ALMS1: variants seen among roughly 807,000 people sequenced by gnomAD.
ALMS1 encodes ALMS1 centrosome and basal body associated protein.
In ALMS1, 271 loss-of-function variants were observed where a neutral mutation model predicts 352.2. The ratio of observed to expected loss-of-function variants is 0.77; its 90% confidence interval spans 0.70 to 0.85. The LOEUF (loss-of-function observed/expected upper bound fraction) is 0.85, where lower values mean the gene tolerates loss of function less well. Ranked by LOEUF, ALMS1 falls within the 40% of genes least tolerant of loss-of-function variation. The pLI is 0.00. For synonymous variants in ALMS1, 1,865 were observed against 1,761.2 expected (o/e 1.06, Z -1.48); for missense variants, 5,445 against 4,870.7 (o/e 1.12, Z -3.51).
intron 7 of ALMS1, among the ~76,000 whole-genome samples, chr2:73,443,303 C>T (rs1381534932): frequency 6.6e-6 from 1 of 152,162 alleles, no homozygotes; most frequent in African/African-American, 2.4e-5. Flanking sequence ...GAACTACTCT[C>T]ATTTCTTCAT....
At chr2:73,478,643 T>C (rs1035989280) in intron 9 of ALMS1, among the ~76,000 whole-genome samples, 1 of 144,624 alleles carries the variant, frequency 6.9e-6, no homozygotes, top group Non-Finnish European at 1.5e-5. Context: ...TTTATTTATT[T>C]AGTAATTTAT....
chr2:73,436,670 C>T (rs1671609481), intron 7 of ALMS1, among the ~76,000 whole-genome samples: 1 of 152,078 alleles, frequency 6.6e-6, no homozygotes, highest in Admixed American at 6.6e-5. Context: ...TACTGTTGAG[C>T]CTCTAGTGAA....
intron 9 of ALMS1, chr2:73,470,399 A>T (rs1672443639): frequency 6.6e-6 from 1 of 151,684 alleles, no homozygotes; most frequent in African/African-American, 2.4e-5. Context: ...TGTCTTTTTT[A>T]AAATTTTCCT....
chr2:73,547,792 G>A (rs976264273), intron 12 of ALMS1, among the ~76,000 whole-genome samples: 1 of 152,210 alleles, frequency 6.6e-6, no homozygotes, highest in Non-Finnish European at 1.5e-5. Flanking sequence ...CCATGGCGGG[G>A]CGGGTTAGAG....
chr2:73,455,334 A>C (rs1243997728), intron 9 of ALMS1, 39 bp downstream of exon 9: 1 of 1,610,588 alleles, frequency 6.2e-7, no homozygotes, highest in Non-Finnish European at 8.5e-7. Flanking sequence ...GTAAATATGA[A>C]AGAATGGGTG....
At chr2:73,398,958 C>T (rs1312816409) in intron 1 of ALMS1, among the ~76,000 whole-genome samples, 3 of 152,146 alleles carry the variant, frequency 2.0e-5, no homozygotes, top group Non-Finnish European at 4.4e-5. Flanking sequence ...ATTCTCCTGC[C>T]TCAGCCTTCT....
chr2:73,447,856 C>T (rs1003175716), intron 7 of ALMS1, 104 bp from the exon 8 acceptor site: 1 of 1,372,428 alleles, frequency 7.3e-7, no homozygotes, highest in South Asian at 1.7e-5. Flanking sequence ...CCTTAGGATT[C>T]ATTTCTAGAA....
intron 15 of ALMS1, among the ~76,000 whole-genome samples, chr2:73,568,743 G>T (rs1674854057): frequency 6.6e-6 from 1 of 151,984 alleles, no homozygotes; most frequent in Admixed American, 6.6e-5. Flanking sequence ...GCAGTTCTAG[G>T]TATGAAAGAA....
chr2:73,465,052 A>G (rs1672300550), intron 9 of ALMS1, among the ~76,000 whole-genome samples: 1 of 152,202 alleles, frequency 6.6e-6, no homozygotes, highest in East Asian at 1.9e-4. Context: ...TGCCATCCCC[A>G]TCAAGCTACC....
intron 16 of ALMS1, among the ~76,000 whole-genome samples, chr2:73,574,973 C>T (rs926311460): frequency 6.6e-6 from 1 of 152,128 alleles, no homozygotes; most frequent in Non-Finnish European, 1.5e-5. Context: ...TTTTCTGTCT[C>T]TGAGGATTTT....
chr2:73,419,259 C>T lies in ALMS1; in HGVS notation c.587C>T (p.Thr196Met), dbSNP rs562345472. The change falls in exon 3 of 23, where the codon ACG (threonine) becomes ATG (methionine). Residue 196 changes from threonine (T) to methionine (M), a missense_variant. Thr to Met is a moderately conservative substitution (Grantham distance 81, BLOSUM62 -1). Coordinates refer to ENST00000613296, the MANE Select transcript of ALMS1 (RefSeq NM_001378454.1). ...DFPSLEEGILTQSENQVKEPN... is the reference protein window; with the variant it reads ...DFPSLEEGILMQSENQVKEPN... ...CCCTCTCTGGAGGAGGGCATATTGA[C>T]GCAATCAGAAAATCAAGTAAAGGAA... The T allele has an allele frequency of 2.4e-5, 38 of 1,613,976 alleles. No individual in the cohort carries two copies. Among genetic ancestry groups the T allele is most frequent in the East Asian group, 1.6e-4 (7 of 44,846 alleles).
Position 73,386,180 on chromosome 2 carries a change from C to T in ALMS1, c.312C>T (p.Thr104=), listed in dbSNP as rs1462302619. The T allele has an allele frequency of 2.6e-6, 4 of 1,544,864 alleles. No individual in the cohort carries two copies. In the South Asian group the frequency reaches 3.6e-5, roughly 14 times the overall value. The change falls in exon 1 of 23, where the codon ACC becomes ACT. Residue 104 remains threonine, a synonymous_variant. Coordinates refer to ENST00000613296, the MANE Select transcript of ALMS1 (RefSeq NM_001378454.1). The part of the protein sequence containing the change: ...PQHRYSEGER[T]SLEKIVPLTC... ...ACCGCTACTCGGAGGGCGAGCGGAC[C>T]TCCCTGGAGAAGGTGAGGCGGGCCG...
intron 10 of ALMS1, among the ~76,000 whole-genome samples, chr2:73,503,724 A>C (rs1334334162): frequency 6.6e-6 from 1 of 152,090 alleles, no homozygotes; most frequent in Non-Finnish European, 1.5e-5. Context: ...AACAGTGTAA[A>C]AGTGTTCCTA....
intron 1 of ALMS1, among the ~76,000 whole-genome samples, chr2:73,387,146 T>G (rs1033312173): frequency 6.6e-6 from 1 of 152,234 alleles, no homozygotes; most frequent in African/African-American, 2.4e-5. Context: ...TGTAGAGTTT[T>G]GTCACTAATG....
intron 10 of ALMS1, among the ~76,000 whole-genome samples, chr2:73,494,178 A>G (rs1401699023): frequency 6.6e-6 from 1 of 152,192 alleles, no homozygotes; most frequent in Non-Finnish European, 1.5e-5. Flanking sequence ...AACAAAAGCC[A>G]CAGTCTTTTT....
Position 73,424,666 on chromosome 2 carries a change from A to G in ALMS1, c.1001A>G (p.Lys334Arg). The G allele has an allele frequency of 2.5e-6, 4 of 1,614,128 alleles. No individual in the cohort carries two copies. Among genetic ancestry groups the G allele is most frequent in the Non-Finnish European group, 3.4e-6 (4 of 1,180,012 alleles). ...TCTGTTGATGAACTGAAAATTCCCA[A>G]AGACTGTGATCGTTATGATGATCTT... Reference protein sequence around the residue: ...ISSVDELKIPKDCDRYDDLCS... With the variant: ...ISSVDELKIPRDCDRYDDLCS... Residue 334 changes from lysine to arginine, a missense_variant, in exon 5 of 23, where the codon AAA (lysine) becomes AGA (arginine). Transcript: ENST00000613296.
chr2:73,395,024 A>ATGTGTATATATATGTG (rs1325291658), intron 1 of ALMS1, among the ~76,000 whole-genome samples: 1 of 139,334 alleles, frequency 7.2e-6, no homozygotes, highest in Admixed American at 7.4e-5. Flanking sequence ...GTGTATATAT[A>ATGTGTATATATATGTG]TGTGTATATA....
intron 1 of ALMS1, among the ~76,000 whole-genome samples, chr2:73,406,617 C>G (rs149059609): frequency 2.0e-3 from 305 of 152,120 alleles, no homozygotes; most frequent in Non-Finnish European, 3.0e-3. Context: ...TCATAAAACT[C>G]CTTAGGAGGA....
At chr2:73,468,765 A>G (rs575448179) in intron 9 of ALMS1, among the ~76,000 whole-genome samples, 7 of 152,144 alleles carry the variant, frequency 4.6e-5, no homozygotes, top group Admixed American at 6.6e-5. Context: ...CATTCTGCCA[A>G]TCTCTATTGA....
Sources: gnomAD v4.1 joint callset for allele counts (sites outside exome capture counted in the v4.1 genomes callset) on GRCh38, gnomAD v4.1.1 for gene constraint, MANE v1.5 for transcripts, NCBI Gene and HGNC (gene_info 2026-07-23, HGNC 2026-07-21) for gene names.